ELFN2: variants seen among roughly 807,000 people sequenced by gnomAD.
ELFN2 encodes extracellular leucine rich repeat and fibronectin type III domain containing 2.
In ELFN2, 17 loss-of-function variants were observed where a neutral mutation model predicts 45.5. That is an observed-to-expected ratio of 0.37 (90% CI 0.26 to 0.56). The LOEUF is 0.56. ELFN2 is among the 20% of genes least tolerant of loss of function. ELFN2 has a pLI of 0.77. For synonymous variants in ELFN2, 550 were observed against 551.5 expected, an observed-to-expected ratio of 1.00 and a Z score of 0.04; for missense variants, 922 against 1,183.2, an observed-to-expected ratio of 0.78 and a Z score of 3.24.
At chr22:37,378,799 G>T (rs543147627) in intron 2 of ELFN2, among the ~76,000 whole-genome samples, 125 of 152,370 alleles carry the variant, frequency 8.2e-4, no homozygotes, top group Middle Eastern at 6.8e-3. Flanking sequence ...GAGACCTGAC[G>T]CGGCCAGGGA....
chr22:37,405,887 A>G (rs1601765609), intron 2 of ELFN2, among the ~76,000 whole-genome samples: 1 of 151,922 alleles, frequency 6.6e-6, no homozygotes, highest in East Asian at 1.9e-4. Flanking sequence ...TTGTCATCTG[A>G]GCACCTTGGG....
chr22:37,411,262 C>A (rs1932642720), intron 2 of ELFN2, among the ~76,000 whole-genome samples: 1 of 152,206 alleles, frequency 6.6e-6, no homozygotes, highest in African/African-American at 2.4e-5. Flanking sequence ...TGACCTGCGA[C>A]CACCAAGCCA....
intron 2 of ELFN2, among the ~76,000 whole-genome samples, chr22:37,414,845 G>T (rs1352145658): frequency 6.6e-6 from 1 of 152,184 alleles, no homozygotes; most frequent in Non-Finnish European, 1.5e-5. Flanking sequence ...ATGAACCAAG[G>T]TCTGAGCCTG....
At chr22:37,365,540 A>G (rs1601739616), downstream of ELFN2, among the ~76,000 whole-genome samples, 1 of 152,204 alleles carries the variant, frequency 6.6e-6, no homozygotes, top group East Asian at 1.9e-4. Flanking sequence ...TTTGAGTTAC[A>G]GATATCTTGG....
At chr22:37,376,165 G>A (rs977769467) in intron 2 of ELFN2, among the ~76,000 whole-genome samples, 169 bp from the exon 3 acceptor site, 7 of 152,248 alleles carry the variant, frequency 4.6e-5, no homozygotes, top group Admixed American at 3.9e-4. Flanking sequence ...GGGGTTGGTG[G>A]GTGGCAAGAG....
chr22:37,382,551 TTTTTTTTTTTTA>T (rs1931818218), intron 2 of ELFN2, among the ~76,000 whole-genome samples: 1 of 60,816 alleles, frequency 1.6e-5, no homozygotes, highest in African/African-American at 9.0e-5. Context: ...CTTTTTTTTT[TTTTTTTTTTTTA>T]AAAACAGACT....
At chr22:37,350,268 G>A (rs1215256050) in intron 1 of ELFN2, among the ~76,000 whole-genome samples, 4 of 71,172 alleles carry the variant, frequency 5.6e-5, no homozygotes, top group East Asian at 3.6e-4. Flanking sequence ...TGGCAAGAAC[G>A]GGTGGGAGCC....
chr22:37,408,587 G>A (rs1932567881), intron 2 of ELFN2, among the ~76,000 whole-genome samples: 1 of 152,210 alleles, frequency 6.6e-6, no homozygotes, highest in African/African-American at 2.4e-5. Context: ...CCATATGCCA[G>A]GACCTTCTTC....
intron 2 of ELFN2, among the ~76,000 whole-genome samples, chr22:37,402,042 C>T (rs1165180054): frequency 6.6e-6 from 1 of 152,150 alleles, no homozygotes; most frequent in Non-Finnish European, 1.5e-5. Flanking sequence ...AGCTGTGTGA[C>T]CTTGGGCTCC....
Position 37,374,058 on chromosome 22 carries a change from T to C in ELFN2, c.1477A>G (p.Thr493Ala). ...TAKGLEAGLD[T>A]PKVATKGNYI... ...TTGCCTTTGGTGGCTACCTTGGGTG[T>C]GTCCAGCCCGGCCTCCAACCCCTTG... Residue 493 changes from threonine to alanine, a missense_variant, in exon 3 of 3, where the codon ACA (threonine) becomes GCA (alanine). Coordinates refer to ENST00000402918, the MANE Select transcript of ELFN2 (RefSeq NM_052906.5). 1 of 1,613,204 alleles carries C rather than the reference T, an allele frequency of 6.2e-7. No individual in the cohort carries two copies. The highest frequency in any genetic ancestry group is 8.5e-7 in the Non-Finnish European group (1 of 1,179,998).
intron 2 of ELFN2, among the ~76,000 whole-genome samples, chr22:37,414,737 C>G (rs936668075): frequency 1.2e-4 from 18 of 152,206 alleles, no homozygotes; most frequent in Non-Finnish European, 7.3e-5. Context: ...TCAAACCCCA[C>G]ACTCCTGGCA....
chr22:37,408,485 G>A (rs535679730), intron 2 of ELFN2, among the ~76,000 whole-genome samples: 91 of 152,314 alleles, frequency 6.0e-4, no homozygotes, highest in Non-Finnish European at 9.7e-4. Flanking sequence ...TTTACAGATG[G>A]GGAAATTGAG....
chr22:37,360,987 G>A (rs542379440), intron 1 of ELFN2, among the ~76,000 whole-genome samples: 18 of 152,218 alleles, frequency 1.2e-4, no homozygotes, highest in African/African-American at 3.9e-4. Flanking sequence ...TGAGCCACTC[G>A]AGGCTCCACT....
Position 37,374,086 on chromosome 22 carries a change from G to T in ELFN2, c.1449C>A (p.Thr483=), listed in dbSNP as rs201073943. The T allele has an allele frequency of 2.5e-6, 4 of 1,613,030 alleles. No individual in the cohort carries two copies. Among genetic ancestry groups the T allele is most frequent in the Non-Finnish European group, 3.4e-6 (4 of 1,180,038 alleles). Residue 483 remains threonine, a synonymous_variant, in exon 3 of 3, where the codon ACC becomes ACA. Transcript: ENST00000402918. ...IPSMIGEKLP[T]AKGLEAGLDT... is the part of the protein sequence containing the mutation. Reference sequence around the variant, plus strand: ...CCAGCCCGGCCTCCAACCCCTTGGCGGTGGGCAGCTTCTCCCCGATCATGG... The same window carrying T: ...CCAGCCCGGCCTCCAACCCCTTGGCTGTGGGCAGCTTCTCCCCGATCATGG...
chr22:37,418,292 G>T (rs1015544868), intron 1 of ELFN2, among the ~76,000 whole-genome samples: 2 of 152,038 alleles, frequency 1.3e-5, no homozygotes, highest in African/African-American at 2.4e-5. Context: ...ACAGAAGGAT[G>T]ATGAGGCAGG....
rs1211972177 is a variant in ELFN2, at chr22:37,356,021, A to G, written n.149-13318T>C. ...CCCCAAAAGCAAAGCCTGAGACAGG[A>G]CTTGAGTGCAGGTGTTTTTTTGGAA... On this transcript the variant is annotated intron_variant and non_coding_transcript_variant, in intron 1 of 2. Coordinates refer to ENST00000452946, the Ensembl canonical transcript of ELFN2. 2.5e-4 allele frequency among the ~76,000 whole-genome samples: 38 copies of G among 152,190 alleles called. 1 individual carries two copies. Among genetic ancestry groups the G allele is most frequent in the Admixed American group, 2.5e-3 (38 of 15,274 alleles).
chr22:37,392,508 CA>C (rs1286411794), intron 2 of ELFN2, among the ~76,000 whole-genome samples: 1 of 152,046 alleles, frequency 6.6e-6, no homozygotes, highest in Admixed American at 6.5e-5. Flanking sequence ...TTAGTAGAGA[CA>C]GGGTTTCACC....
In ELFN2 at chr22:37,372,619, ACTC is replaced by A. The variant is rs1931398954; in HGVS notation, c.*450_*452del. ...TAATGCTAAATCTGCAGGTGACTTG[ACTC>A]CCAGCTTGGGAAGGGACCCTCTCCC... On this transcript the variant is annotated 3_prime_UTR_variant, in exon 3 of 3. Transcript: ENST00000402918. This position sits in a 1 kb window ranked among gnomAD's most constrained non-coding sequence, Gnocchi z 4.4. The A allele has an allele frequency of 6.5e-6, 1 of 153,680 alleles. No homozygotes were observed. The highest frequency in any genetic ancestry group is 2.4e-5 in the African/African-American group (1 of 40,838). 9.5% of individuals were successfully genotyped at this position (153,680 alleles called of 1,614,324 possible).
chr22:37,422,747 C>T (rs777258228), intron 1 of ELFN2, among the ~76,000 whole-genome samples: 7 of 151,868 alleles, frequency 4.6e-5, no homozygotes, highest in South Asian at 2.1e-4. Flanking sequence ...GCATGCACCA[C>T]GATGCCCGAA....
Sources: gnomAD v4.1 joint callset for allele counts (sites outside exome capture counted in the v4.1 genomes callset) on GRCh38, gnomAD v4.1.1 for gene constraint, Gnocchi (gnomAD v3.1) non-coding constraint, MANE v1.5 for transcripts, NCBI Gene and HGNC (gene_info 2026-07-23, HGNC 2026-07-21) for gene names.